Variants in CTRB1 observed in about 807,000 individuals in gnomAD.
CTRB1 encodes chymotrypsinogen B1.
CTRB1 carries 15 observed loss-of-function variants against 20.4 expected under a neutral mutation model. The observed-to-expected ratio is 0.74, with a 90% CI of 0.49 to 1.13. The LOEUF is 1.13. Ranked by LOEUF, CTRB1 falls within the 50% of genes most tolerant of loss-of-function variation. The pLI is 0.00. For missense variants in CTRB1, 227 were observed against 290.1 expected, an observed-to-expected ratio of 0.78 and a Z score of 1.58; for synonymous variants, 92 against 128.4, an observed-to-expected ratio of 0.72 and a Z score of 1.92.
intron 1 of CTRB1, among the ~76,000 whole-genome samples, chr16:75,220,504 C>G (rs2039068634): frequency 6.6e-6 from 1 of 152,124 alleles, no homozygotes; most frequent in Admixed American, 6.5e-5. Context: ...TTATGTTGTC[C>G]AGGCTGGTCT....
intron 1 of CTRB1, chr16:75,222,532 AG>A (rs1391033628): frequency 1.8e-6 from 1 of 567,254 alleles, no homozygotes; most frequent in Non-Finnish European, 3.1e-6. Flanking sequence ...GACAGGCCCC[AG>A]GTAGGAGGAG....
intron 1 of CTRB1, 120 bp from the exon 2 acceptor site, chr16:75,222,624 ACCAGGGAGGCGGAGGCGGCATGTG>A: frequency 1.2e-6 from 1 of 829,164 alleles, no homozygotes; most frequent in South Asian, 1.8e-5. Flanking sequence ...AGACTTGGGG[ACCAGGGAGGCGGAGGCGGCATGTG>A]CCAGGGAGGT....
At chr16:75,222,498 C>T (rs1725065112) in intron 1 of CTRB1, 2 of 537,660 alleles carry the variant, frequency 3.7e-6, no homozygotes, top group African/African-American at 1.9e-5. Context: ...TACAGCCCGG[C>T]CTGTTTTCTG....
chr16:75,224,779 C>A lies in CTRB1; in HGVS notation c.705C>A (p.Ser235Arg). ...TGGTGGGCATTGTGTCCTGGGGCAG[C>A]GACACCTGCTCCACCTCCAGCCCTG... The part of the protein sequence containing the change: ...WTLVGIVSWG[S>R]DTCSTSSPGV... Residue 235 changes from serine to arginine, a missense_variant, in exon 7 of 7, where the codon AGC becomes AGA. Around this residue, in one of 4 missense-constraint regions of CTRB1, gnomAD observed 108 missense variants for 76.9 expected, o/e 1.41. Coordinates refer to ENST00000361017, the MANE Select transcript of CTRB1 (RefSeq NM_001906.6). 6.2e-7 allele frequency: 1 copy of A among 1,613,884 alleles called. No individual in the cohort carries two copies. The highest frequency in any genetic ancestry group is 8.5e-7 in the Non-Finnish European group (1 of 1,179,996).
Position 75,224,897 on chromosome 16 carries a change from CAG to C in CTRB1, c.*34_*35del, listed in dbSNP as rs764636723. 1 of 1,611,274 alleles carries C rather than the reference CAG, an allele frequency of 6.2e-7. No individual in the cohort carries two copies. On this transcript the variant is annotated 3_prime_UTR_variant, in exon 7 of 7. Transcript: ENST00000361017. The stretch of plus-strand genomic sequence containing the variant: ...CGGCTCCCTCCGACCCTGCTCCCCA[CAG>C]AGCCTCAGTAAACCCATGGAACACA...
chr16:75,222,064 GAAA>G (rs71158588), intron 1 of CTRB1, among the ~76,000 whole-genome samples: 37 of 108,590 alleles, frequency 3.4e-4, no homozygotes, highest in Middle Eastern at 4.7e-3. Flanking sequence ...GTCTCAAAAA[GAAA>G]AAAAAAAAAA....
chr16:75,219,086 T>A, intron 1 of CTRB1, 27 bp downstream of exon 1: 1 of 1,572,900 alleles, frequency 6.4e-7, no homozygotes, highest in Non-Finnish European at 8.6e-7. Flanking sequence ...GAGGGGTCTG[T>A]CCTGAGGGAG....
At chr16:75,222,104 T>C (rs914461178) in intron 1 of CTRB1, among the ~76,000 whole-genome samples, 1 of 143,718 alleles carries the variant, frequency 7.0e-6, no homozygotes, top group Non-Finnish European at 1.5e-5. Flanking sequence ...GAGGTTGCAG[T>C]GGGCCATGAT....
At chr16:75,219,723 T>C (rs1275013804) in intron 1 of CTRB1, among the ~76,000 whole-genome samples, 1 of 152,154 alleles carries the variant, frequency 6.6e-6, no homozygotes. Flanking sequence ...TAAAAGAAAA[T>C]ACAGAAAAGA....
chr16:75,223,944 C>G, intron 5 of CTRB1, 111 bp from the exon 6 acceptor site: 1 of 411,692 alleles, frequency 2.4e-6, no homozygotes, highest in Non-Finnish European at 4.1e-6. Flanking sequence ...AGGGGCCGTA[C>G]CCAACATCGT....
At chr16:75,221,091 C>T (rs1481949893) in intron 1 of CTRB1, among the ~76,000 whole-genome samples, 1 of 152,204 alleles carries the variant, frequency 6.6e-6, no homozygotes, top group African/African-American at 2.4e-5. Context: ...GGCACCTTGC[C>T]TGCCTGTGTT....
intron 1 of CTRB1, 158 bp from the exon 2 acceptor site, chr16:75,222,610 C>A: frequency 1.3e-6 from 1 of 752,262 alleles, no homozygotes. Context: ...ACGTTTGAGC[C>A]TAGAGACTTG....
In CTRB1 at chr16:75,221,640, G is replaced by A. The variant is rs144058326; in HGVS notation, c.53-1128G>A. ...CTCTCAAAGTGTTAGGATTACAGGC[G>A]TGAGCCACTGTGCTGGCCAAAGTCC... On this transcript the variant is annotated intron_variant, in intron 1 of 6. Transcript: ENST00000361017. 4.3e-3 allele frequency among the ~76,000 whole-genome samples: 659 copies of A among 152,120 alleles called. 3 individuals are homozygous for A. The highest frequency in any genetic ancestry group is 0.015 in the African/African-American group (631 of 41,542).
At chr16:75,221,666 A>G (rs2039087085) in intron 1 of CTRB1, among the ~76,000 whole-genome samples, 1 of 152,070 alleles carries the variant, frequency 6.6e-6, no homozygotes, top group South Asian at 2.1e-4. Context: ...GCCAAAGTCC[A>G]GTTTTATTAA....
rs373699068 is a variant in CTRB1 at position 75,219,103 on chromosome 16, G to A, written c.52+44G>A. On this transcript the variant is annotated intron_variant, in intron 1 of 6. Transcript: ENST00000361017. ...GGGGTCTGTCCTGAGGGAGCCCTGA[G>A]CCTGGCTGAGAGGGGGATCTGAGTC... is the stretch of plus-strand genomic sequence containing the variant. 7.1e-6 allele frequency: 11 copies of A among 1,553,104 alleles called. No individual in the cohort carries two copies. The African/African-American group carries it at 9.5e-5, about 13-fold the overall frequency.
Position 75,223,198 on chromosome 16 carries a change from C to T in CTRB1, c.294C>T (p.Ile98=), listed in dbSNP as rs2076707618. 1 of 1,066,472 alleles carries T rather than the reference C, an allele frequency of 9.4e-7. No homozygotes were observed. Among genetic ancestry groups the T allele is most frequent in the African/African-American group, 1.6e-5 (1 of 61,248 alleles). The allele number at this position is 1,066,472 out of a possible 1,614,324, so 66.1% of individuals were successfully genotyped here. A position where few individuals can be genotyped will look rare whatever the true frequency, so the allele number is the denominator to read the frequency against. Reference sequence around the variant, plus strand: ...ACCAGGGCTCTGACGAGGAGAACATCCAGGTCCTGAAGATCGCCAAGGTAC... The same window carrying T: ...ACCAGGGCTCTGACGAGGAGAACATTCAGGTCCTGAAGATCGCCAAGGTAC... The part of the protein sequence containing the change: ...EFDQGSDEEN[I]QVLKIAKVFK... Residue 98 remains isoleucine (I), a synonymous_variant, in exon 4 of 7, where the codon ATC becomes ATT. Transcript: ENST00000361017.
At position 75,219,026 on chromosome 16, in the gene CTRB1, C is replaced by A; in HGVS notation, c.19C>A (p.Leu7Ile). The A allele has an allele frequency of 6.3e-7, 1 of 1,592,676 alleles. No individual in the cohort carries two copies. The highest frequency in any genetic ancestry group is 8.5e-7 in the Non-Finnish European group (1 of 1,171,106). The change falls in exon 1 of 7, where the codon CTC becomes ATC. Residue 7 changes from leucine to isoleucine, a missense_variant. This residue lies in a region of CTRB1 where 71 missense variants were observed against 69.1 expected (regional missense o/e 1.03). Coordinates refer to ENST00000361017, the MANE Select transcript of CTRB1 (RefSeq NM_001906.6). Reference protein sequence around the residue: MASLWLLSCFSLVGAAF... With the variant: MASLWLISCFSLVGAAF... ...CAGCGGCATGGCTTCCCTCTGGCTC[C>A]TCTCCTGCTTCTCCCTTGTGGGGGC...
chr16:75,222,760 C>A lies in CTRB1; in HGVS notation c.53-8C>A. The A allele has an allele frequency of 6.4e-7, 1 of 1,557,182 alleles. No individual in the cohort carries two copies. The highest frequency in any genetic ancestry group is 1.4e-5 in the African/African-American group (1 of 73,588). On this transcript the variant is annotated splice_polypyrimidine_tract_variant and splice_region_variant and intron_variant, in intron 1 of 6. Coordinates refer to ENST00000361017, the MANE Select transcript of CTRB1 (RefSeq NM_001906.6). ...GCCTCAGCCCTTATTCACCCCACTC[C>A]CCCCCAGGCTGCGGGGTCCCCGCCA... is the stretch of plus-strand genomic sequence containing the variant.
In CTRB1 at chr16:75,224,184, G is replaced by A. The variant is rs1480933679; in HGVS notation, c.626G>A (p.Cys209Tyr). The change falls in exon 6 of 7, where the codon TGC becomes TAC. Residue 209 changes from cysteine to tyrosine, a missense_variant. This residue lies in a region of CTRB1 where 108 missense variants were observed against 76.9 expected (regional missense o/e 1.41). Transcript: ENST00000361017. ...ICAGASGVSS[C>Y]MGDSGGPLVC... ...GCCGGGGCCAGTGGCGTCTCCTCCT[G>A]CATGGTGAGGCTGGCCCTGCCCAGG... 3.4e-6 allele frequency: 5 copies of A among 1,466,620 alleles called. No individual in the cohort carries two copies. The South Asian group carries it at 6.7e-5, about 20-fold the overall frequency. 90.9% of individuals were successfully genotyped at this position (1,466,620 alleles called of 1,614,324 possible). A position where few individuals can be genotyped will look rare whatever the true frequency, so the allele number is the denominator to read the frequency against.
Sources: allele counts gnomAD v4.1 joint callset (sites outside exome capture counted in the v4.1 genomes callset), GRCh38; gene constraint gnomAD v4.1.1; regional missense constraint gnomAD v4.1.1; transcripts MANE v1.5; gene names NCBI Gene and HGNC (gene_info 2026-07-23, HGNC 2026-07-21).